Variants in PBRM1 observed in about 807,000 individuals in gnomAD.
PBRM1 encodes protein polybromo-1.
Under a neutral mutation model 194.5 loss-of-function variants are expected in PBRM1, and 27 were observed. The observed-to-expected ratio is 0.14, with a 90% CI of 0.10 to 0.19. PBRM1 has a LOEUF of 0.19. PBRM1 is among the 10% of genes least tolerant of loss of function. The pLI is 1.00. For synonymous variants in PBRM1, 655 were observed against 693.2 expected, an observed-to-expected ratio of 0.94 and a Z score of 0.87; for missense variants, 1,466 against 2,077.2, an observed-to-expected ratio of 0.71 and a Z score of 5.72.
Position 52,609,721 on chromosome 3 carries a change from T to C in PBRM1, c.2159A>G (p.Asp720Gly). 1 of 1,611,202 alleles carries C rather than the reference T, an allele frequency of 6.2e-7. No homozygotes were observed. The highest frequency in any genetic ancestry group is 8.5e-7 in the Non-Finnish European group (1 of 1,178,916). Residue 720 changes from aspartate to glycine, a missense_variant, in exon 16 of 30, where the codon GAT becomes GGT. This residue lies in a region of PBRM1 where 687 missense variants were observed against 946.2 expected (regional missense o/e 0.73). Coordinates refer to ENST00000296302, the Ensembl canonical transcript of PBRM1. This position sits in a 1 kb window ranked among gnomAD's most constrained non-coding sequence, Gnocchi z 4.1. ...AAAGTCCTCAACCATAGAGTCAATA[T>C]CTTGGTACTTGTTGGCCATCATGTG...
intron 6 of PBRM1, among the ~76,000 whole-genome samples, chr3:52,651,280 T>C (rs923234994): frequency 3.3e-5 from 5 of 152,144 alleles, no homozygotes; most frequent in African/African-American, 1.2e-4. Context: ...TAGTATCTAA[T>C]TCCACTGACC....
At chr3:52,570,340 T>C (rs113109096) in intron 22 of PBRM1, among the ~76,000 whole-genome samples, 4 of 152,326 alleles carry the variant, frequency 2.6e-5, no homozygotes, top group Admixed American at 6.5e-5. Context: ...TTACTAAACA[T>C]GTATATGAAA....
rs148503001 is a variant in PBRM1 at position 52,674,370 on chromosome 3, A to G, written c.236+4130T>C. ...GTGGCCCATGCCTGTAATCCCAGCT[A>G]CTCGGGAAGCTGGGGCAGGAGAATC... On this transcript the variant is annotated intron_variant, in intron 2 of 29. Coordinates refer to ENST00000296302, the Ensembl canonical transcript of PBRM1. Among the ~76,000 whole-genome samples, 780 of 150,588 alleles carry G rather than the reference A, an allele frequency of 5.2e-3. 7 individuals are homozygous for G. Among genetic ancestry groups the G allele is most frequent in the African/African-American group, 0.018 (748 of 41,060 alleles).
At chr3:52,678,440 T>A (rs1322367535) in intron 2 of PBRM1, 60 bp downstream of exon 3, 5 of 1,104,482 alleles carry the variant, frequency 4.5e-6, no homozygotes, top group Admixed American at 1.8e-5. Context: ...CCAAACACTT[T>A]AATACACATG....
intron 8 of PBRM1, among the ~76,000 whole-genome samples, chr3:52,643,591 A>G (rs564987429): frequency 6.6e-6 from 1 of 152,336 alleles, no homozygotes; most frequent in East Asian, 1.9e-4. Flanking sequence ...AACAATGTCA[A>G]GGCCAGAGGA....
chr3:52,639,122 T>C (rs2095961082), intron 10 of PBRM1, among the ~76,000 whole-genome samples: 1 of 151,862 alleles, frequency 6.6e-6, no homozygotes, highest in African/African-American at 2.4e-5. Context: ...GTACCTGGGA[T>C]TGCAGGCATG....
At chr3:52,586,360 A>T in intron 20 of PBRM1, 65 bp downstream of exon 22, 1 of 1,350,616 alleles carries the variant, frequency 7.4e-7, no homozygotes, top group Non-Finnish European at 1.0e-6. Flanking sequence ...TACTTTATTC[A>T]TTTATTTTCT....
At chr3:52,558,188 G>T in intron 26 of PBRM1, 61 bp downstream of exon 28, 1 of 1,173,448 alleles carries the variant, frequency 8.5e-7, no homozygotes. Flanking sequence ...CCTTATTGGA[G>T]AAAAAAAAAA....
intron 2 of PBRM1, among the ~76,000 whole-genome samples, chr3:52,677,281 T>A (rs1561116940): frequency 6.6e-6 from 1 of 152,162 alleles, no homozygotes; most frequent in East Asian, 1.9e-4. Flanking sequence ...AATGGCTCTA[T>A]CACCCAGGCT....
chr3:52,617,906 A>G (rs2095049792), intron 13 of PBRM1, among the ~76,000 whole-genome samples: 1 of 152,208 alleles, frequency 6.6e-6, no homozygotes, highest in Admixed American at 6.5e-5. Context: ...GTGCAATAAA[A>G]CTAGCAATTC....
upstream of PBRM1, among the ~76,000 whole-genome samples, chr3:52,683,463 C>G (rs538965121): frequency 4.0e-5 from 6 of 151,800 alleles, no homozygotes; most frequent in Non-Finnish European, 7.4e-5. Flanking sequence ...ACCTGTCTTA[C>G]AGGATAGTAT....
At chr3:52,601,451 A>G (rs1202510827) in intron 17 of PBRM1, among the ~76,000 whole-genome samples, 7 of 152,086 alleles carry the variant, frequency 4.6e-5, no homozygotes, top group African/African-American at 2.4e-5. Flanking sequence ...CCTCACATAC[A>G]CAGTCCACAA....
intron 22 of PBRM1, among the ~76,000 whole-genome samples, chr3:52,567,115 T>C (rs371235498): frequency 2.7e-5 from 4 of 150,082 alleles, no homozygotes; most frequent in African/African-American, 9.8e-5. Context: ...ATGACATATA[T>C]ATAAAACAAT....
At chr3:52,590,226 C>T (rs373694289) in intron 17 of PBRM1, among the ~76,000 whole-genome samples, 8 of 151,546 alleles carry the variant, frequency 5.3e-5, no homozygotes, top group East Asian at 2.0e-4. Flanking sequence ...CCGAGGCGGG[C>T]GGATCACTTG....
At chr3:52,678,559 G>C (rs2097151885) in exon 2 of PBRM1, 2 of 1,613,212 alleles carry the variant, frequency 1.2e-6, no homozygotes, top group South Asian at 2.2e-5. Context: ...CATCCTTATA[G>C]TCTCGGATGG....
At chr3:52,677,665 C>T (rs1451869521) in intron 2 of PBRM1, among the ~76,000 whole-genome samples, 2 of 151,900 alleles carry the variant, frequency 1.3e-5, no homozygotes, top group Non-Finnish European at 2.9e-5. Flanking sequence ...CACCCGCCTT[C>T]GCCTCCCAAA....
At chr3:52,624,363 T>C (rs530661090) in intron 13 of PBRM1, among the ~76,000 whole-genome samples, 12 of 152,322 alleles carry the variant, frequency 7.9e-5, no homozygotes, top group South Asian at 4.1e-4. Flanking sequence ...AATTATTACA[T>C]AGGTTGTTTT....
chr3:52,638,211 A>T (rs1474905067), intron 10 of PBRM1, among the ~76,000 whole-genome samples: 1 of 152,054 alleles, frequency 6.6e-6, no homozygotes, highest in Non-Finnish European at 1.5e-5. Flanking sequence ...TGCAGTTTTG[A>T]TGTCTAGGTT....
intron 11 of PBRM1, 142 bp from the exon 13 acceptor site, chr3:52,629,177 T>G: frequency 3.1e-6 from 2 of 644,054 alleles, no homozygotes; most frequent in Non-Finnish European, 5.2e-6. Context: ...AAATGACTTT[T>G]GAGATACAAA....
Sources: gnomAD v4.1 joint callset for allele counts (sites outside exome capture counted in the v4.1 genomes callset) on GRCh38, gnomAD v4.1.1 for gene constraint, gnomAD v4.1.1 regional missense constraint, Gnocchi (gnomAD v3.1) non-coding constraint, MANE v1.5 for transcripts, NCBI Gene and HGNC (gene_info 2026-07-23, HGNC 2026-07-21) for gene names.